Variants in SPAST observed in about 807,000 individuals in gnomAD.
The protein encoded by SPAST is spastic paraplegia 4 (autosomal dominant; spastin).
Under a neutral mutation model 76.6 loss-of-function variants are expected in SPAST, and 30 were observed. The ratio of observed to expected loss-of-function variants is 0.39; its 90% CI spans 0.29 to 0.53. The LOEUF (loss-of-function observed/expected upper bound fraction) is 0.53, where lower values mean the gene tolerates loss of function less well. Among genes scored for constraint, SPAST ranks in the 20% least tolerant of loss-of-function variants. The probability of loss-of-function intolerance (pLI) is 0.68; values close to 1 mark genes in which losing one functional copy is unlikely to be tolerated. For synonymous variants in SPAST, 305 were observed against 281.0 expected, an observed-to-expected ratio of 1.09 and a Z score of -0.86; for missense variants, 717 against 770.5, an observed-to-expected ratio of 0.93 and a Z score of 0.82.
rs121908519 is a variant in SPAST at position 32,136,890 on chromosome 2, C to A, written c.1335C>A (p.Ser445Arg). ...PSIIFIDEVD[S>R]LLCERREGEH... is the part of the protein sequence containing the mutation. ...TATTTCCTCTAGATGAAGTTGATAG[C>A]CTTTTGTGTGAAAGAAGAGAAGGGG... is the stretch of plus-strand genomic sequence containing the variant. Residue 445 changes from serine to arginine, a missense_variant, in exon 11 of 17, where the codon AGC (serine) becomes AGA (arginine). By Grantham distance (110) the Ser-to-Arg change is moderately radical (BLOSUM62 -1). Around this residue, in one of 3 missense-constraint regions of SPAST, gnomAD observed 78 missense variants for 197.6 expected, o/e 0.39. Coordinates refer to ENST00000315285, the MANE Select transcript of SPAST (RefSeq NM_014946.4). The A allele has an allele frequency of 6.2e-7, 1 of 1,612,944 alleles. No homozygotes were observed. The highest frequency in any genetic ancestry group is 8.5e-7 in the Non-Finnish European group (1 of 1,179,140).
intron 1 of SPAST, among the ~76,000 whole-genome samples, chr2:32,085,000 AGC>A (rs976682655): frequency 6.6e-6 from 1 of 151,888 alleles, no homozygotes; most frequent in Non-Finnish European, 1.5e-5. Flanking sequence ...TAAAATTTTA[AGC>A]CAAATATGAC....
intron 16 of SPAST, among the ~76,000 whole-genome samples, chr2:32,152,709 G>A (rs1450754743): frequency 6.6e-6 from 1 of 151,686 alleles, no homozygotes; most frequent in Non-Finnish European, 1.5e-5. Context: ...GGTTCATATA[G>A]TGCTTATGGG....
chr2:32,090,614 ATTTG>A (rs1279600179), intron 3 of SPAST, among the ~76,000 whole-genome samples: 2 of 152,084 alleles, frequency 1.3e-5, no homozygotes, highest in Admixed American at 6.6e-5. Flanking sequence ...TTTTTTAATA[ATTTG>A]TTTGTATCAG....
intron 9 of SPAST, among the ~76,000 whole-genome samples, chr2:32,134,023 C>T (rs1203959612): frequency 1.3e-5 from 2 of 151,994 alleles, no homozygotes; most frequent in Non-Finnish European, 2.9e-5. Context: ...TTTTACAAGT[C>T]GTTACTCTAT....
intron 1 of SPAST, among the ~76,000 whole-genome samples, chr2:32,080,992 CTT>C: frequency 6.7e-6 from 1 of 149,834 alleles, no homozygotes; most frequent in East Asian, 2.0e-4. Context: ...GAGTTTCGCT[CTT>C]GTCACCCAGC....
chr2:32,128,653 G>C, intron 9 of SPAST, 174 bp downstream of exon 9: 1 of 624,372 alleles, frequency 1.6e-6, no homozygotes, highest in Non-Finnish European at 2.9e-6. Flanking sequence ...GTACATTTGT[G>C]TTGTCAAATA....
chr2:32,092,667 A>G (rs1208938963), intron 3 of SPAST, among the ~76,000 whole-genome samples: 1 of 152,206 alleles, frequency 6.6e-6, no homozygotes, highest in South Asian at 2.1e-4. Flanking sequence ...CAAAAATGCT[A>G]TTACCTATTT....
intron 7 of SPAST, among the ~76,000 whole-genome samples, chr2:32,121,219 C>T (rs932142281): frequency 3.3e-5 from 5 of 152,142 alleles, no homozygotes; most frequent in Non-Finnish European, 7.3e-5. Context: ...GTGGTGCAAC[C>T]TCAGCTCACT....
chr2:32,095,295 G>A (rs1194241822), intron 3 of SPAST, among the ~76,000 whole-genome samples: 1 of 152,200 alleles, frequency 6.6e-6, no homozygotes, highest in African/African-American at 2.4e-5. Context: ...ATCACTGCAG[G>A]ATGGGTATTA....
intron 1 of SPAST, among the ~76,000 whole-genome samples, chr2:32,080,783 CTTTTTTTTTTTTTTTTT>C (rs1162817708): frequency 4.1e-5 from 2 of 48,448 alleles, no homozygotes; most frequent in South Asian, 1.8e-3. Context: ...TGGCTCAGTT[CTTTTTTTTTTTTTTTTT>C]TTTTTTTTTT....
intron 1 of SPAST, among the ~76,000 whole-genome samples, chr2:32,084,959 T>C (rs895191725): frequency 4.6e-5 from 7 of 151,484 alleles, no homozygotes; most frequent in African/African-American, 1.2e-4. Flanking sequence ...GAACTTCTTT[T>C]GTATCTGTTA....
At chr2:32,105,257 T>C (rs1007415728) in intron 4 of SPAST, among the ~76,000 whole-genome samples, 2 of 152,218 alleles carry the variant, frequency 1.3e-5, no homozygotes, top group Non-Finnish European at 2.9e-5. Context: ...CTACTGAAGC[T>C]CATGCATGCA....
chr2:32,150,469 A>C (rs1680046110), intron 16 of SPAST, among the ~76,000 whole-genome samples: 1 of 149,750 alleles, frequency 6.7e-6, no homozygotes, highest in Non-Finnish European at 1.5e-5. Flanking sequence ...ACAGTGTCTC[A>C]CTTGGTTGCC....
intron 6 of SPAST, 102 bp downstream of exon 6, chr2:32,115,937 T>C: frequency 9.8e-7 from 1 of 1,016,402 alleles, no homozygotes; most frequent in East Asian, 2.6e-5. Context: ...CCTTGTCTGG[T>C]TTACATACTT....
At chr2:32,078,524 T>A (rs915483538) in intron 1 of SPAST, among the ~76,000 whole-genome samples, 3 of 152,110 alleles carry the variant, frequency 2.0e-5, no homozygotes, top group African/African-American at 7.2e-5. Context: ...GTGGTGCATG[T>A]CTCTAGTCCC....
rs565082776 is a variant in SPAST, at chr2:32,101,866, T to G, written c.682+2975T>G. ...TTTTGGTATCAGTACCATGCTGTTT[T>G]GATTACTGTACCTTCGTAGTATAGT... On this transcript the variant is annotated intron_variant, in intron 4 of 16. Transcript: ENST00000315285. 7.9e-5 allele frequency among the ~76,000 whole-genome samples: 12 copies of G among 152,322 alleles called. No homozygotes were observed. In the South Asian group the frequency reaches 2.5e-3, roughly 32 times the overall value.
At chr2:32,143,988 A>G (rs1043074788) in intron 14 of SPAST, among the ~76,000 whole-genome samples, 2 of 152,216 alleles carry the variant, frequency 1.3e-5, no homozygotes, top group African/African-American at 4.8e-5. Flanking sequence ...TGATAATTTT[A>G]ATAATTTTAA....
chr2:32,128,827 G>A (rs1679281429), intron 9 of SPAST: 3 of 313,110 alleles, frequency 9.6e-6, no homozygotes, highest in South Asian at 9.0e-5. Context: ...TGTATGTTGT[G>A]TGCCTCTCTC....
chr2:32,146,631 C>G (rs184302710), intron 15 of SPAST, among the ~76,000 whole-genome samples: 5 of 151,866 alleles, frequency 3.3e-5, no homozygotes, highest in Non-Finnish European at 7.4e-5. Flanking sequence ...CTTTGGGAGG[C>G]CAAGATGGGT....
Sources: allele counts gnomAD v4.1 joint callset (sites outside exome capture counted in the v4.1 genomes callset), GRCh38; gene constraint gnomAD v4.1.1; regional missense constraint gnomAD v4.1.1; transcripts MANE v1.5; gene names NCBI Gene and HGNC (gene_info 2026-07-23, HGNC 2026-07-21).